Variants in DCC observed in about 807,000 individuals in gnomAD.
DCC encodes DCC netrin 1 receptor.
A neutral mutation model predicts 172.5 loss-of-function variants in DCC; 58 were observed. The ratio of observed to expected loss-of-function variants is 0.34; its 90% CI spans 0.27 to 0.42. The LOEUF (loss-of-function observed/expected upper bound fraction) is 0.42, where lower values mean the gene tolerates loss of function less well. DCC is among the 10% of genes least tolerant of loss of function. The pLI is 1.00. For synonymous variants in DCC, 709 were observed against 644.5 expected (o/e 1.10, Z -1.52); for missense variants, 1,740 against 1,791.0 (o/e 0.97, Z 0.51).
intron 8 of DCC, among the ~76,000 whole-genome samples, chr18:53,159,019 G>T (rs1401096625): frequency 7.4e-6 from 1 of 135,958 alleles, no homozygotes; most frequent in Non-Finnish European, 1.5e-5. Context: ...GAAGATGTAG[G>T]CATACCCATA....
At chr18:52,357,699 A>G (rs1984429565) in intron 1 of DCC, among the ~76,000 whole-genome samples, 1 of 152,008 alleles carries the variant, frequency 6.6e-6, no homozygotes, top group African/African-American at 2.4e-5. Flanking sequence ...TAACTACAGT[A>G]GAAAAATTGG....
At position 53,326,157 on chromosome 18, in the gene DCC, G is replaced by C. The variant is rs892460517; in HGVS notation, c.2164+4000G>C. ...CTTATGGATGAGAATTGCAAAGACA[G>C]TCTTATCCTTTCCTGTGATATACAC... On this transcript the variant is annotated intron_variant, in intron 14 of 28. Transcript: ENST00000442544. Among the ~76,000 whole-genome samples the C allele has an allele frequency of 2.0e-5, 3 of 152,198 alleles. No homozygotes were observed. The South Asian group carries it at 6.2e-4, about 32-fold the overall frequency.
intron 1 of DCC, among the ~76,000 whole-genome samples, chr18:52,543,896 A>C (rs779401994): frequency 6.6e-6 from 1 of 152,218 alleles, no homozygotes; most frequent in East Asian, 1.9e-4. Context: ...TGCAAACTGC[A>C]GTCTTCAACA....
Position 53,159,957 on chromosome 18 carries a change from G to A in DCC, c.1418+2445G>A, listed in dbSNP as rs761444186. On this transcript the variant is annotated intron_variant, in intron 8 of 28. Coordinates refer to ENST00000442544, the MANE Select transcript of DCC (RefSeq NM_005215.4). ...AATGGAAGGGCTCAGAATAGTGTGA[G>A]CTCAGAGACAATGTGGAAAAGAAGT... Among the ~76,000 whole-genome samples the A allele has an allele frequency of 5.1e-4, 78 of 152,258 alleles. 1 individual carries two copies. The highest frequency in any genetic ancestry group is 4.6e-4 in the Admixed American group (7 of 15,294).
At chr18:53,153,382 A>C (rs1299088314) in intron 7 of DCC, among the ~76,000 whole-genome samples, 1 of 152,118 alleles carries the variant, frequency 6.6e-6, no homozygotes, top group Non-Finnish European at 1.5e-5. Flanking sequence ...TAGGAATGAG[A>C]ATATCTGGCC....
chr18:52,520,110 G>A (rs1339061922), intron 1 of DCC, among the ~76,000 whole-genome samples: 1 of 152,114 alleles, frequency 6.6e-6, no homozygotes, highest in Non-Finnish European at 1.5e-5. Flanking sequence ...GTCATCCAAG[G>A]GTCTCTTCCT....
chr18:53,526,590 C>A, intron 27 of DCC, 27 bp from the exon 28 acceptor site: 1 of 1,612,022 alleles, frequency 6.2e-7, no homozygotes, highest in Non-Finnish European at 8.5e-7. Flanking sequence ...TTCTACATTA[C>A]TTTCATCACT....
At position 53,320,475 on chromosome 18, in the gene DCC, C is replaced by T. The variant is rs571095669; in HGVS notation, c.2054-1572C>T. Among the ~76,000 whole-genome samples the T allele has an allele frequency of 2.0e-5, 3 of 152,128 alleles. No homozygotes were observed. In the East Asian group the frequency reaches 5.8e-4, roughly 29 times the overall value. On this transcript the variant is annotated intron_variant, in intron 13 of 28. Transcript: ENST00000442544. ...ACCATTTCTTCTCAGAGTTCTCTCC[C>T]TATTAATTTTTTAATTTCCCAGAAA...
intron 5 of DCC, among the ~76,000 whole-genome samples, chr18:52,927,748 G>T (rs1318564283): frequency 6.6e-6 from 1 of 152,032 alleles, no homozygotes; most frequent in Non-Finnish European, 1.5e-5. Context: ...TTACTAAAAG[G>T]TCAAAAAATA....
intron 2 of DCC, among the ~76,000 whole-genome samples, chr18:52,897,332 A>G (rs1279967695): frequency 6.6e-6 from 1 of 152,230 alleles, no homozygotes; most frequent in Non-Finnish European, 1.5e-5. Context: ...AAGCTTGCAG[A>G]GCTGGACAAA....
intron 1 of DCC, among the ~76,000 whole-genome samples, chr18:52,342,014 C>T (rs1287007699): frequency 1.3e-5 from 2 of 152,166 alleles, no homozygotes; most frequent in African/African-American, 4.8e-5. Context: ...CAATCGCGGC[C>T]AAGCCCCCAG....
intron 7 of DCC, among the ~76,000 whole-genome samples, chr18:53,146,325 C>G (rs1358690989): frequency 6.6e-6 from 1 of 152,202 alleles, no homozygotes; most frequent in African/African-American, 2.4e-5. Flanking sequence ...GTGAAAGCAT[C>G]AGCAGATGTG....
At chr18:53,224,935 G>A (rs189632151) in intron 12 of DCC, among the ~76,000 whole-genome samples, 66 of 152,244 alleles carry the variant, frequency 4.3e-4, no homozygotes, top group African/African-American at 1.5e-3. Context: ...AGGAGTCACT[G>A]TCATATTGAT....
chr18:53,105,891 A>G (rs1054649256), intron 7 of DCC, among the ~76,000 whole-genome samples: 2 of 151,328 alleles, frequency 1.3e-5, no homozygotes, highest in Admixed American at 6.6e-5. Context: ...TGTCCTCTTT[A>G]GTATATTTGT....
chr18:53,129,287 A>G (rs899143763), intron 7 of DCC, among the ~76,000 whole-genome samples: 2 of 151,944 alleles, frequency 1.3e-5, no homozygotes, highest in Non-Finnish European at 2.9e-5. Flanking sequence ...CTACCCTCGC[A>G]CTTTTCTTTC....
intron 9 of DCC, among the ~76,000 whole-genome samples, chr18:53,203,445 A>G (rs537082987): frequency 6.6e-6 from 1 of 152,310 alleles, no homozygotes; most frequent in Non-Finnish European, 1.5e-5. Context: ...AAAAAAATAC[A>G]GTGTTAAGAA....
At chr18:52,617,530 C>A (rs2034405995) in intron 1 of DCC, among the ~76,000 whole-genome samples, 1 of 152,160 alleles carries the variant, frequency 6.6e-6, no homozygotes, top group South Asian at 2.1e-4. Context: ...CTTTGCCTCT[C>A]ACTCTTTTTC....
At chr18:53,309,091 AC>A (rs2057235095) in intron 13 of DCC, among the ~76,000 whole-genome samples, 2 of 151,948 alleles carry the variant, frequency 1.3e-5, no homozygotes, top group African/African-American at 4.8e-5. Context: ...AGGCTGGAGT[AC>A]CGTGGCATGA....
chr18:52,671,610 G>A (rs1045168566), intron 1 of DCC, among the ~76,000 whole-genome samples: 5 of 149,020 alleles, frequency 3.4e-5, no homozygotes, highest in Admixed American at 1.4e-4. Flanking sequence ...TGTGATCTTG[G>A]CTGACTGCAG....
Sources: gnomAD v4.1 joint callset for allele counts (sites outside exome capture counted in the v4.1 genomes callset) on GRCh38, gnomAD v4.1.1 for gene constraint, MANE v1.5 for transcripts, NCBI Gene and HGNC (gene_info 2026-07-23, HGNC 2026-07-21) for gene names.